The following GFRA3 variants were observed in gnomAD, a reference collection of about 807,000 sequenced individuals.
GFRA3 encodes the protein GDNF family receptor alpha 3, also known as GDNF family receptor alpha-3.
Under a neutral mutation model 40.0 loss-of-function variants are expected in GFRA3, and 24 were observed. The ratio of observed to expected loss-of-function variants is 0.60; its 90% CI spans 0.43 to 0.84. The LOEUF (loss-of-function observed/expected upper bound fraction) is 0.84, where lower values mean the gene tolerates loss of function less well. Among genes scored for constraint, GFRA3 ranks in the 40% least tolerant of loss-of-function variants. The pLI, the probability that GFRA3 is intolerant of heterozygous loss-of-function variation, is 0.00. For missense variants in GFRA3, 405 were observed against 530.6 expected (o/e 0.76, Z 2.33); for synonymous variants, 203 against 213.5 (o/e 0.95, Z 0.43).
chr5:138,258,376 T>A (rs1460511540), intron 3 of GFRA3, among the ~76,000 whole-genome samples: 1 of 151,782 alleles, frequency 6.6e-6, no homozygotes, highest in Non-Finnish European at 1.5e-5. Context: ...GAAATGGGGT[T>A]TCATCATGTT....
Position 138,254,045 on chromosome 5 carries a change from C to T in GFRA3, c.889+12G>A, listed in dbSNP as rs779013605. 1 of 1,591,844 alleles carries T rather than the reference C, an allele frequency of 6.3e-7. No individual in the cohort carries two copies. The highest frequency in any genetic ancestry group is 8.6e-7 in the Non-Finnish European group (1 of 1,159,776). ...CCAACATAGGGTTCCCTACACATGC[C>T]CCCAGCCTCACCAATCAGCCCCAGG... On this transcript the variant is annotated intron_variant, in intron 5 of 7. Coordinates refer to ENST00000274721, the MANE Select transcript of GFRA3 (RefSeq NM_001496.4).
intron 4 of GFRA3, 56 bp from the exon 5 acceptor site, chr5:138,254,216 C>CA: frequency 1.0e-6 from 1 of 985,076 alleles, no homozygotes; most frequent in Non-Finnish European, 1.6e-6. Context: ...GATGATGTCT[C>CA]ACTCTCTCTT....
chr5:138,263,640 C>G (rs918379638), intron 2 of GFRA3, among the ~76,000 whole-genome samples: 1 of 152,216 alleles, frequency 6.6e-6, no homozygotes, highest in African/African-American at 2.4e-5. Context: ...ACAGAGGCTG[C>G]ACCTTGAGCC....
intron 1 of GFRA3, among the ~76,000 whole-genome samples, chr5:138,265,471 G>C (rs950926792): frequency 6.6e-6 from 1 of 152,076 alleles, no homozygotes; most frequent in African/African-American, 2.4e-5. Flanking sequence ...GCCCACCTTA[G>C]CCTCCCAAAG....
At chr5:138,263,020 A>C (rs971037686) in intron 2 of GFRA3, among the ~76,000 whole-genome samples, 1 of 152,116 alleles carries the variant, frequency 6.6e-6, no homozygotes, top group Admixed American at 6.6e-5. Context: ...GCTAGAGTGC[A>C]GTGGCGCAAT....
chr5:138,256,559 A>AAAAACAAACAAAC (rs1561649239), intron 4 of GFRA3, among the ~76,000 whole-genome samples: 1 of 151,642 alleles, frequency 6.6e-6, no homozygotes, highest in African/African-American at 2.4e-5. Flanking sequence ...ACAAACAAAA[A>AAAAACAAACAAAC]AAAAAACAAA....
At position 138,253,885 on chromosome 5, in the gene GFRA3, G is replaced by A; in HGVS notation, c.905C>T (p.Pro302Leu). 6.2e-7 allele frequency: 1 copy of A among 1,614,020 alleles called. No homozygotes were observed. The highest frequency in any genetic ancestry group is 8.5e-7 in the Non-Finnish European group (1 of 1,179,920). The change falls in exon 6 of 8, where the codon CCC becomes CTC. Residue 302 changes from proline to leucine, a missense_variant. By Grantham distance (98) the Pro-to-Leu change is moderately conservative. Transcript: ENST00000274721. Reference sequence around the variant, plus strand: ...GGTGTTGACATTGCTGACAAAGTTGGGGGTCATGGCAGTCCCTGTGAAGAG... The same window carrying A: ...GGTGTTGACATTGCTGACAAAGTTGAGGGTCATGGCAGTCCCTGTGAAGAG... The part of the protein sequence containing the change: ...YLGLIGTAMT[P>L]NFVSNVNTSV...
At chr5:138,268,978 C>T (rs937857440) in intron 1 of GFRA3, among the ~76,000 whole-genome samples, 2 of 150,686 alleles carry the variant, frequency 1.3e-5, no homozygotes, top group Admixed American at 6.6e-5. Flanking sequence ...AAAAAGTGGG[C>T]TAAGGACATG....
chr5:138,254,097 T>G lies in GFRA3; in HGVS notation c.849A>C (p.Thr283=), dbSNP rs1281383155. 20 of 1,613,304 alleles carry G rather than the reference T, an allele frequency of 1.2e-5. No homozygotes were observed. Among genetic ancestry groups the G allele is most frequent in the Non-Finnish European group, 1.7e-5 (20 of 1,179,328 alleles). ...ATGCTCGTAGACATCTGGACTGCTC[T>G]GTTGCACAAGTTCCTAGGATGTCCA... ...HPMDILGTCA[T]EQSRCLRAYL... is the part of the protein sequence containing the mutation. The change falls in exon 5 of 8, where the codon ACA becomes ACC. Residue 283 remains threonine (T), a synonymous_variant. Transcript: ENST00000274721.
intron 1 of GFRA3, among the ~76,000 whole-genome samples, chr5:138,268,157 C>T (rs910844450): frequency 1.3e-5 from 2 of 151,450 alleles, no homozygotes; most frequent in African/African-American, 2.4e-5. Context: ...TGATGGCGGG[C>T]GCCTGTAATC....
chr5:138,257,888 C>T lies in GFRA3; in HGVS notation c.536G>A (p.Arg179His). 2 of 1,613,978 alleles carry T rather than the reference C, an allele frequency of 1.2e-6. No homozygotes were observed. Among genetic ancestry groups the T allele is most frequent in the South Asian group, 1.1e-5 (1 of 91,082 alleles). The change falls in exon 4 of 8, where the codon CGC (arginine) becomes CAC (histidine). Residue 179 changes from arginine to histidine, a missense_variant. Physicochemically the swap from Arg to His is conservative, Grantham distance 29. Coordinates refer to ENST00000274721, the MANE Select transcript of GFRA3 (RefSeq NM_001496.4). The stretch of plus-strand genomic sequence containing the variant: ...GGAGCACGCCTCCCCGTAGGCCTTG[C>T]GCAGCCGGTCACACTTGTCATTGAG... ...CTLNDKCDRL[R>H]KAYGEACSGP...
chr5:138,269,703 C>T (rs189321344), intron 1 of GFRA3, among the ~76,000 whole-genome samples: 164 of 150,230 alleles, frequency 1.1e-3, no homozygotes, highest in African/African-American at 3.8e-3. Context: ...ATTAGCTGGG[C>T]GTGGTGGCGT....
In GFRA3 at chr5:138,252,961, A is replaced by G. The variant is rs772358054; in HGVS notation, c.*7T>C. On this transcript the variant is annotated 3_prime_UTR_variant, in exon 8 of 8. Coordinates refer to ENST00000274721, the MANE Select transcript of GFRA3 (RefSeq NM_001496.4). Reference sequence around the variant, plus strand: ...GTGGAGGGGAAGAGGGCCCTGGGGAAGTCCAGCTACCATAGGCTCAGGAGC... The same window carrying G: ...GTGGAGGGGAAGAGGGCCCTGGGGAGGTCCAGCTACCATAGGCTCAGGAGC... 1.3e-6 allele frequency: 2 copies of G among 1,534,150 alleles called. No individual in the cohort carries two copies. Among genetic ancestry groups the G allele is most frequent in the East Asian group, 4.5e-5 (2 of 44,516 alleles).
In GFRA3 at chr5:138,274,485, G is replaced by C. The variant is rs753078383; in HGVS notation, c.-61C>G. ...GCTCCTCCCCTGGAGCTCTGAGAGC[G>C]GGGCTCCCTCGACCGGCACCTCCCG... is the stretch of plus-strand genomic sequence containing the variant. On this transcript the variant is annotated 5_prime_UTR_variant, in exon 1 of 8. Transcript: ENST00000274721. The C allele has an allele frequency of 7.2e-6, 9 of 1,246,500 alleles. No homozygotes were observed. Among genetic ancestry groups the C allele is most frequent in the East Asian group, 6.3e-5 (2 of 31,748 alleles). 77.2% of individuals were successfully genotyped at this position (1,246,500 alleles called of 1,614,324 possible).
chr5:138,271,053 C>T (rs937589323), intron 1 of GFRA3, among the ~76,000 whole-genome samples: 10 of 151,586 alleles, frequency 6.6e-5, no homozygotes, highest in African/African-American at 1.9e-4. Context: ...AGTGCAGTGG[C>T]GCGATCTCGG....
rs1431957283 is a variant in GFRA3 at position 138,264,544 on chromosome 5, G to A, written c.96C>T (p.Asp32=). Residue 32 remains aspartate, a synonymous_variant, in exon 2 of 8, where the codon GAC becomes GAT. Transcript: ENST00000274721. The stretch of plus-strand genomic sequence containing the variant: ...TGAGTCGGCTTTCTGTGGGAAGGGG[G>A]TCTCCTGTAAAGGGAGATACCAGGT... The part of the protein sequence containing the change: ...PPSPLPLAAG[D]PLPTESRLMN... 6.3e-7 allele frequency: 1 copy of A among 1,599,898 alleles called. No individual in the cohort carries two copies. Among genetic ancestry groups the A allele is most frequent in the African/African-American group, 1.3e-5 (1 of 74,808 alleles).
intron 2 of GFRA3, among the ~76,000 whole-genome samples, chr5:138,262,529 T>C (rs1755726619): frequency 6.6e-6 from 1 of 152,138 alleles, no homozygotes; most frequent in South Asian, 2.1e-4. Flanking sequence ...CATGGCTCAC[T>C]GCAGCCTCAA....
At chr5:138,257,589 G>C in intron 4 of GFRA3, 50 bp downstream of exon 4, 1 of 1,496,618 alleles carries the variant, frequency 6.7e-7, no homozygotes, top group Non-Finnish European at 9.1e-7. Flanking sequence ...GGCCAGGAAG[G>C]AGTGGCGTGT....
At chr5:138,256,179 C>A (rs555066864) in intron 4 of GFRA3, among the ~76,000 whole-genome samples, 121 of 147,470 alleles carry the variant, frequency 8.2e-4, no homozygotes, top group Non-Finnish European at 1.4e-3. Context: ...TGCAGTGAGC[C>A]GAGATCGCAC....
Sources: gnomAD v4.1 joint callset for allele counts (sites outside exome capture counted in the v4.1 genomes callset) on GRCh38, gnomAD v4.1.1 for gene constraint, MANE v1.5 for transcripts, NCBI Gene and HGNC (gene_info 2026-07-23, HGNC 2026-07-21) for gene names.